AKT3: variants seen among roughly 807,000 people sequenced by gnomAD.
AKT3 encodes the protein RAC-gamma serine/threonine-protein kinase.
AKT3 carries 15 observed loss-of-function variants against 65.3 expected under a neutral mutation model. That is an observed-to-expected ratio of 0.23 (90% CI 0.15 to 0.35). AKT3 has a LOEUF of 0.35. AKT3 is among the 10% of genes least tolerant of loss of function. The probability of loss-of-function intolerance (pLI) is 1.00; values close to 1 mark genes in which losing one functional copy is unlikely to be tolerated. For synonymous variants in AKT3, 206 were observed against 183.8 expected, an observed-to-expected ratio of 1.12 and a Z score of -0.98; for missense variants, 243 against 576.5, an observed-to-expected ratio of 0.42 and a Z score of 5.92.
chr1:243,755,772 C>A (rs967361335), intron 2 of AKT3, among the ~76,000 whole-genome samples: 4 of 152,084 alleles, frequency 2.6e-5, no homozygotes, highest in Non-Finnish European at 4.4e-5. Context: ...GTAAAAGAAC[C>A]CTTTTATCAT....
At chr1:243,575,971 G>T (rs1461159733) in intron 8 of AKT3, among the ~76,000 whole-genome samples, 4 of 152,044 alleles carry the variant, frequency 2.6e-5, no homozygotes, top group African/African-American at 9.7e-5. Context: ...AAAAAGATGA[G>T]ATCAGATTGG....
intron 3 of AKT3, among the ~76,000 whole-genome samples, chr1:243,668,955 A>G (rs895433845): frequency 6.6e-6 from 1 of 152,202 alleles, no homozygotes. Context: ...ACATTTTTTG[A>G]AATATGAAAG....
intron 2 of AKT3, among the ~76,000 whole-genome samples, chr1:243,712,228 G>A (rs956869402): frequency 1.3e-5 from 2 of 152,190 alleles, no homozygotes; most frequent in Admixed American, 6.5e-5. Context: ...CAAAGGAAAA[G>A]TCAAGGTGGC....
chr1:243,548,425 T>C (rs1462057460), intron 11 of AKT3: 1 of 152,168 alleles, frequency 6.6e-6, no homozygotes, highest in Non-Finnish European at 1.5e-5. Context: ...CAAATACATA[T>C]AAAACTAAAA....
chr1:243,807,415 C>T (rs1374687115), intron 2 of AKT3, among the ~76,000 whole-genome samples: 1 of 152,188 alleles, frequency 6.6e-6, no homozygotes, highest in Non-Finnish European at 1.5e-5. Context: ...GGGTCCTATG[C>T]CCACAGAGCC....
intron 10 of AKT3, among the ~76,000 whole-genome samples, chr1:243,560,550 A>G (rs567045125): frequency 6.6e-6 from 1 of 152,274 alleles, no homozygotes; most frequent in East Asian, 1.9e-4. Flanking sequence ...ACTCTTCCCT[A>G]TAAAAACATG....
At chr1:243,584,940 T>C (rs893413980) in intron 8 of AKT3, among the ~76,000 whole-genome samples, 3 of 152,034 alleles carry the variant, frequency 2.0e-5, no homozygotes, top group Non-Finnish European at 2.9e-5. Flanking sequence ...GGCATCCTAA[T>C]AGGCAAAGAA....
chr1:243,535,469 C>T (rs1048648810), intron 12 of AKT3, among the ~76,000 whole-genome samples: 5 of 152,124 alleles, frequency 3.3e-5, no homozygotes, highest in African/African-American at 1.2e-4. Context: ...TGAGAACATG[C>T]AGTATTTGAT....
At chr1:243,647,880 C>T (rs1353918835) in intron 4 of AKT3, among the ~76,000 whole-genome samples, 2 of 152,132 alleles carry the variant, frequency 1.3e-5, no homozygotes, top group African/African-American at 4.8e-5. Context: ...AGTTGTAGAT[C>T]TTCTATATAA....
downstream of AKT3, among the ~76,000 whole-genome samples, chr1:243,497,251 A>G (rs1668163573): frequency 2.0e-5 from 3 of 150,672 alleles, no homozygotes; most frequent in Admixed American, 1.3e-4. Context: ...GGAGGCGACA[A>G]AACGGTGACC....
At chr1:243,583,540 C>CAAAAAAAAAAAAAAAA (rs1294857854) in intron 8 of AKT3, among the ~76,000 whole-genome samples, 1 of 30,030 alleles carries the variant, frequency 3.3e-5, no homozygotes, top group African/African-American at 1.0e-4. Context: ...AAGTAAGTCT[C>CAAAAAAAAAAAAAAAA]AAAAAAAAAA....
chr1:243,772,816 A>C, intron 2 of AKT3, among the ~76,000 whole-genome samples: 1 of 152,182 alleles, frequency 6.6e-6, no homozygotes, highest in East Asian at 1.9e-4. Flanking sequence ...GACTGGATTA[A>C]GAAAATGTGG....
At chr1:243,777,331 G>A (rs952148127) in intron 2 of AKT3, among the ~76,000 whole-genome samples, 1 of 152,180 alleles carries the variant, frequency 6.6e-6, no homozygotes, top group Non-Finnish European at 1.5e-5. Context: ...GAGCTCAGGT[G>A]GTAATGCACA....
At chr1:243,581,637 G>T (rs752145954) in intron 8 of AKT3, among the ~76,000 whole-genome samples, 2 of 152,032 alleles carry the variant, frequency 1.3e-5, no homozygotes, top group Non-Finnish European at 2.9e-5. Flanking sequence ...AAGTGTTAGG[G>T]TCTCCAGATA....
At chr1:243,672,121 C>T (rs543042766) in intron 3 of AKT3, among the ~76,000 whole-genome samples, 1 of 152,294 alleles carries the variant, frequency 6.6e-6, no homozygotes, top group South Asian at 2.1e-4. Context: ...CTCTGGTTCT[C>T]TCCACAGTAT....
At chr1:243,615,245 G>A in intron 6 of AKT3, 84 bp from the exon 7 acceptor site, 2 of 1,061,264 alleles carry the variant, frequency 1.9e-6, no homozygotes, top group Non-Finnish European at 2.7e-6. Flanking sequence ...AATTGGAAGA[G>A]GTTAAGCCCA....
intron 2 of AKT3, among the ~76,000 whole-genome samples, chr1:243,833,515 T>C (rs946966418): frequency 2.0e-5 from 3 of 151,594 alleles, no homozygotes; most frequent in East Asian, 1.9e-4. Context: ...CGTGATTCAA[T>C]TACCTCCGCC....
At chr1:243,830,583 G>C (rs982831400) in intron 2 of AKT3, among the ~76,000 whole-genome samples, 7 of 152,108 alleles carry the variant, frequency 4.6e-5, no homozygotes, top group African/African-American at 1.7e-4. Flanking sequence ...CCAGTGCTCA[G>C]AGCTGTTAAA....
At chr1:243,743,875 G>T (rs1280826068) in intron 2 of AKT3, among the ~76,000 whole-genome samples, 1 of 152,164 alleles carries the variant, frequency 6.6e-6, no homozygotes, top group Non-Finnish European at 1.5e-5. Context: ...TGTTGGTGAA[G>T]ATATAGAACA....
Sources: gnomAD v4.1 joint callset for allele counts (sites outside exome capture counted in the v4.1 genomes callset) on GRCh38, gnomAD v4.1.1 for gene constraint, MANE v1.5 for transcripts, NCBI Gene and HGNC (gene_info 2026-07-23, HGNC 2026-07-21) for gene names.